CPXM2: variants seen among roughly 807,000 people sequenced by gnomAD.
The protein encoded by CPXM2 is carboxypeptidase X, M14 family member 2.
A neutral mutation model predicts 86.1 loss-of-function variants in CPXM2; 66 were observed. The observed-to-expected ratio is 0.77, with a 90% confidence interval of 0.63 to 0.94. The LOEUF is 0.94. Ranked by LOEUF, CPXM2 falls within the 40% of genes least tolerant of loss-of-function variation. The pLI, the probability that CPXM2 is intolerant of heterozygous loss-of-function variation, is 0.00. For missense variants in CPXM2, 948 were observed against 1,026.3 expected (o/e 0.92, Z 1.04); for synonymous variants, 388 against 400.2 (o/e 0.97, Z 0.36).
intron 7 of CPXM2, chr10:123,777,426 A>G (rs984648017): frequency 1.3e-5 from 2 of 152,362 alleles, no homozygotes; most frequent in African/African-American, 4.8e-5. Flanking sequence ...ACTCACTCCA[A>G]CGGGTGACCT....
chr10:123,834,966 T>C (rs1390745239), intron 4 of CPXM2, among the ~76,000 whole-genome samples: 2 of 152,188 alleles, frequency 1.3e-5, no homozygotes, highest in Non-Finnish European at 2.9e-5. Context: ...CCTTCCGACT[T>C]GAGTGGGAGC....
intron 3 of CPXM2, among the ~76,000 whole-genome samples, chr10:123,855,945 T>C (rs558685055): frequency 2.0e-4 from 30 of 152,280 alleles, no homozygotes; most frequent in African/African-American, 6.3e-4. Flanking sequence ...CCTCTCTCTC[T>C]AGGGGACCAA....
intron 4 of CPXM2, among the ~76,000 whole-genome samples, chr10:123,832,935 A>T (rs181680932): frequency 6.6e-6 from 1 of 152,110 alleles, no homozygotes; most frequent in Non-Finnish European, 1.5e-5. Flanking sequence ...TTGCTTTTCC[A>T]TCCTTTCCGC....
intron 3 of CPXM2, among the ~76,000 whole-genome samples, chr10:123,847,849 A>T (rs981662853): frequency 3.9e-5 from 6 of 152,206 alleles, no homozygotes; most frequent in Non-Finnish European, 8.8e-5. Flanking sequence ...GACAACAGTG[A>T]ATATCAAAAT....
intron 2 of CPXM2, among the ~76,000 whole-genome samples, chr10:123,925,202 A>G (rs1182718568): frequency 6.6e-6 from 1 of 152,128 alleles, no homozygotes; most frequent in Non-Finnish European, 1.5e-5. Flanking sequence ...TAGATTTTCC[A>G]CTGTTTTACA....
chr10:123,827,906 G>A (rs186266257), intron 4 of CPXM2, among the ~76,000 whole-genome samples: 3 of 152,278 alleles, frequency 2.0e-5, no homozygotes, highest in Non-Finnish European at 4.4e-5. Flanking sequence ...GCTCACACCT[G>A]TAATCCCAAC....
chr10:123,837,216 GC>G (rs2134144551), intron 4 of CPXM2, among the ~76,000 whole-genome samples: 1 of 152,318 alleles, frequency 6.6e-6, no homozygotes, highest in South Asian at 2.1e-4. Flanking sequence ...TCAGGGCTGA[GC>G]CTCCCCGTCC....
intron 4 of CPXM2, among the ~76,000 whole-genome samples, chr10:123,801,076 C>T (rs1236333067): frequency 6.6e-6 from 1 of 152,220 alleles, no homozygotes; most frequent in African/African-American, 2.4e-5. Flanking sequence ...CCCACCTTCC[C>T]TTCCTCCCTG....
intron 2 of CPXM2, among the ~76,000 whole-genome samples, chr10:123,921,299 A>G (rs929503442): frequency 6.6e-6 from 1 of 152,154 alleles, no homozygotes; most frequent in African/African-American, 2.4e-5. Context: ...TAAAAAAAGC[A>G]TCTAAAGTTC....
chr10:123,783,737 C>T (rs1470211691), intron 6 of CPXM2, among the ~76,000 whole-genome samples: 1 of 152,150 alleles, frequency 6.6e-6, no homozygotes, highest in African/African-American at 2.4e-5. Context: ...TTTTTCTTAA[C>T]CTAATTTGAG....
chr10:123,752,456 T>C (rs1229625280), intron 13 of CPXM2: 1 of 985,210 alleles, frequency 1.0e-6, no homozygotes, highest in Non-Finnish European at 1.2e-6. Context: ...TTTGTGGCAT[T>C]TTAGACACAT....
intron 2 of CPXM2, among the ~76,000 whole-genome samples, chr10:123,934,408 A>G (rs545464322): frequency 1.3e-5 from 2 of 149,084 alleles, no homozygotes; most frequent in South Asian, 2.1e-4. Context: ...TTGTGGGTGC[A>G]TCTCGCCAAT....
At position 123,761,147 on chromosome 10, in the gene CPXM2, C is replaced by G. The variant is rs112377687; in HGVS notation, c.1777+725G>C. 5.8e-3 allele frequency among the ~76,000 whole-genome samples: 878 copies of G among 152,310 alleles called. 6 individuals carry two copies. Among genetic ancestry groups the G allele is most frequent in the African/African-American group, 0.02 (827 of 41,570 alleles). Reference sequence around the variant, plus strand: ...GCTGCTGTAAGGGAATTTCTGAAGTCTCTCCTGGGAGCCTCTACAGTCCTG... The same window carrying G: ...GCTGCTGTAAGGGAATTTCTGAAGTGTCTCCTGGGAGCCTCTACAGTCCTG... On this transcript the variant is annotated intron_variant, in intron 11 of 13. Coordinates refer to ENST00000241305, the MANE Select transcript of CPXM2 (RefSeq NM_198148.3).
intron 2 of CPXM2, chr10:123,914,206 G>A (rs1046676412): frequency 2.9e-5 from 12 of 407,180 alleles, no homozygotes; most frequent in Admixed American, 2.9e-4. Flanking sequence ...AGCTAACCAT[G>A]AGTCTACTTC....
chr10:123,918,862 T>C (rs937296527), intron 2 of CPXM2, among the ~76,000 whole-genome samples: 1 of 152,126 alleles, frequency 6.6e-6, no homozygotes, highest in Admixed American at 6.5e-5. Flanking sequence ...ACGTCTGTTA[T>C]CTCCTCTTTC....
chr10:123,847,190 C>G (rs1848511807), intron 3 of CPXM2, among the ~76,000 whole-genome samples: 1 of 152,180 alleles, frequency 6.6e-6, no homozygotes, highest in African/African-American at 2.4e-5. Context: ...AAGTCTACAT[C>G]TATAAATTGA....
intron 2 of CPXM2, among the ~76,000 whole-genome samples, chr10:123,901,429 TTGTGTGTGTGTGTGTGTGTGTGTG>T (rs3069582): frequency 7.2e-6 from 1 of 138,956 alleles, no homozygotes. Context: ...CCAAGCAAGT[TTGTGTGTGTGTGTGTGTGTGTGTG>T]TGTGTGTGTG....
chr10:123,894,803 G>C (rs1260725666), upstream of CPXM2, among the ~76,000 whole-genome samples: 1 of 152,056 alleles, frequency 6.6e-6, no homozygotes, highest in African/African-American at 2.4e-5. Context: ...CTCTTCCTCT[G>C]TTCCCACTGC....
chr10:123,895,121 CTTT>C (rs869104432), upstream of CPXM2, among the ~76,000 whole-genome samples: 1 of 85,890 alleles, frequency 1.2e-5, no homozygotes, highest in Admixed American at 1.8e-4. Context: ...TCTTTTTTTT[CTTT>C]TTTTTTTTTT....
Sources: allele counts gnomAD v4.1 joint callset (sites outside exome capture counted in the v4.1 genomes callset), GRCh38; gene constraint gnomAD v4.1.1; transcripts MANE v1.5; gene names NCBI Gene and HGNC (gene_info 2026-07-23, HGNC 2026-07-21).